The following RBFOX1 variants were observed in gnomAD, a reference collection of about 807,000 sequenced individuals.
RBFOX1 encodes the protein RNA binding protein fox-1 homolog 1.
A neutral mutation model predicts 57.7 loss-of-function variants in RBFOX1; 8 were observed. That is an observed-to-expected ratio of 0.14 (90% CI 0.08 to 0.25). The LOEUF is 0.25. Ranked by LOEUF, RBFOX1 falls within the 10% of genes least tolerant of loss-of-function variation. The pLI is 1.00. For missense variants in RBFOX1, 611 were observed against 548.5 expected (o/e 1.11, Z -1.14); for synonymous variants, 326 against 222.4 (o/e 1.47, Z -4.15).
intron 1 of RBFOX1, among the ~76,000 whole-genome samples, chr16:5,301,571 A>C (rs962291369): frequency 1.4e-5 from 2 of 139,408 alleles, no homozygotes; most frequent in African/African-American, 5.1e-5. Flanking sequence ...GTGAGCCAAG[A>C]TTGCGCCACT....
intron 1 of RBFOX1, among the ~76,000 whole-genome samples, chr16:6,298,932 G>A (rs1031339503): frequency 1.3e-5 from 2 of 152,148 alleles, no homozygotes; most frequent in African/African-American, 4.8e-5. Flanking sequence ...AGAACCCAGA[G>A]GGGAGCCTTG....
intron 2 of RBFOX1, among the ~76,000 whole-genome samples, chr16:6,539,806 G>GACACACACAGACACACACACACACAC (rs2096787036): frequency 7.3e-6 from 1 of 136,234 alleles, no homozygotes; most frequent in South Asian, 2.6e-4. Flanking sequence ...TCAAAACACA[G>GACACACACAGACACACACACACACAC]ACACACACAC....
At chr16:7,033,265 A>G (rs924115097) in intron 3 of RBFOX1, among the ~76,000 whole-genome samples, 4 of 152,190 alleles carry the variant, frequency 2.6e-5, no homozygotes, top group African/African-American at 9.7e-5. Context: ...CACGCCTGTA[A>G]TCCTAGAACT....
chr16:6,901,005 C>T (rs976496218), intron 3 of RBFOX1, among the ~76,000 whole-genome samples: 2 of 152,284 alleles, frequency 1.3e-5, no homozygotes, highest in African/African-American at 4.8e-5. Context: ...GAAAGACTTC[C>T]TGATATCCCT....
intron 4 of RBFOX1, among the ~76,000 whole-genome samples, chr16:7,362,844 T>A (rs1457011615): frequency 1.3e-5 from 2 of 152,214 alleles, no homozygotes; most frequent in East Asian, 3.8e-4. Flanking sequence ...GAAGACAGCA[T>A]GTACGTTTTA....
intron 3 of RBFOX1, among the ~76,000 whole-genome samples, chr16:5,777,483 C>T (rs187578147): frequency 7.9e-5 from 12 of 152,218 alleles, no homozygotes; most frequent in Admixed American, 3.3e-4. Context: ...TTTGAGGGGT[C>T]GTTGTGAGAG....
At chr16:7,400,191 T>C (rs1298757379) in intron 4 of RBFOX1, among the ~76,000 whole-genome samples, 1 of 152,184 alleles carries the variant, frequency 6.6e-6, no homozygotes, top group East Asian at 1.9e-4. Context: ...TCTCAAATTT[T>C]GTCATGCATA....
intron 3 of RBFOX1, among the ~76,000 whole-genome samples, chr16:5,643,114 G>A (rs1252759426): frequency 2.6e-5 from 4 of 152,176 alleles, no homozygotes; most frequent in African/African-American, 9.7e-5. Flanking sequence ...AAAAGCCTCA[G>A]CAGCCAGCCT....
chr16:6,391,521 A>G (rs558972837), intron 2 of RBFOX1, among the ~76,000 whole-genome samples: 1 of 151,900 alleles, frequency 6.6e-6, no homozygotes, highest in East Asian at 1.9e-4. Flanking sequence ...AAAAAAAAAA[A>G]AAAGAAAAAA....
intron 4 of RBFOX1, among the ~76,000 whole-genome samples, chr16:5,953,275 G>T (rs901474471): frequency 3.9e-5 from 6 of 152,206 alleles, no homozygotes; most frequent in Non-Finnish European, 7.3e-5. Context: ...AACTGGAAAT[G>T]TGTAACAATT....
chr16:5,766,418 C>T (rs1021348967), intron 3 of RBFOX1, among the ~76,000 whole-genome samples: 1 of 152,074 alleles, frequency 6.6e-6, no homozygotes, highest in Non-Finnish European at 1.5e-5. Context: ...AACCTCGTCT[C>T]TACTAAAATG....
intron 11 of RBFOX1, among the ~76,000 whole-genome samples, chr16:7,650,015 CAAA>C (rs375199222): frequency 0.062 from 1,980 of 32,090 alleles, 52 homozygotes; most frequent in African/African-American, 0.14. Context: ...GGAGGGAAGA[CAAA>C]AGGAAGAAAG....
In RBFOX1 at chr16:7,217,774, T is replaced by C. The variant is rs1370158677; in HGVS notation, c.27+165676T>C. Among the ~76,000 whole-genome samples the C allele has an allele frequency of 2.0e-5, 3 of 152,194 alleles. No individual in the cohort carries two copies. The East Asian group carries it at 5.8e-4, about 29-fold the overall frequency. ...TTGCAAGGAGACATCAGAAAGAACATTTTTATAGTGAAGGTTTTGAGATCC... is the reference window on the plus strand; with the variant it reads ...TTGCAAGGAGACATCAGAAAGAACACTTTTATAGTGAAGGTTTTGAGATCC... On this transcript the variant is annotated intron_variant, in intron 4 of 15. Transcript: ENST00000550418.
At chr16:6,553,373 C>G (rs1393504941) in intron 2 of RBFOX1, among the ~76,000 whole-genome samples, 1 of 152,166 alleles carries the variant, frequency 6.6e-6, no homozygotes, top group African/African-American at 2.4e-5. Flanking sequence ...GTGTATAGGA[C>G]TATTCAGTGA....
chr16:5,332,189 C>A (rs1109889), intron 1 of RBFOX1, among the ~76,000 whole-genome samples: 1 of 152,024 alleles, frequency 6.6e-6, no homozygotes, highest in Admixed American at 6.6e-5. Context: ...TTTATTGTTT[C>A]TTTTATTTAA....
At chr16:5,400,682 A>G (rs1228238085) in intron 1 of RBFOX1, among the ~76,000 whole-genome samples, 1 of 151,606 alleles carries the variant, frequency 6.6e-6, no homozygotes, top group East Asian at 1.9e-4. Context: ...TTTTTCTATT[A>G]CAAATAATGC....
intron 14 of RBFOX1, among the ~76,000 whole-genome samples, chr16:7,702,542 G>A (rs913374637): frequency 6.6e-6 from 1 of 152,208 alleles, no homozygotes; most frequent in Non-Finnish European, 1.5e-5. Flanking sequence ...ATTGACAACG[G>A]ATTCATTTAT....
intron 2 of RBFOX1, among the ~76,000 whole-genome samples, chr16:5,494,470 A>G (rs747875029): frequency 3.3e-5 from 5 of 152,328 alleles, no homozygotes; most frequent in Middle Eastern, 3.4e-3. Flanking sequence ...GGGGGCATTG[A>G]TGGATCTTGG....
At chr16:5,625,512 G>C (rs1335782238) in intron 3 of RBFOX1, among the ~76,000 whole-genome samples, 3 of 150,294 alleles carry the variant, frequency 2.0e-5, no homozygotes, top group African/African-American at 7.3e-5. Flanking sequence ...GAGGAGTTTG[G>C]ATTTACTCTT....
Sources: gnomAD v4.1 joint callset for allele counts (sites outside exome capture counted in the v4.1 genomes callset) on GRCh38, gnomAD v4.1.1 for gene constraint, MANE v1.5 for transcripts, NCBI Gene and HGNC (gene_info 2026-07-23, HGNC 2026-07-21) for gene names.